Variants in RYR3 observed in about 807,000 individuals in gnomAD.
RYR3 encodes ryanodine receptor 3, also known as brain ryanodine receptor-calcium release channel.
RYR3 carries 207 observed loss-of-function variants against 584.3 expected under a neutral mutation model. The observed-to-expected ratio is 0.35, with a 90% confidence interval of 0.32 to 0.40. RYR3 has a LOEUF of 0.40. Among genes scored for constraint, RYR3 ranks in the 10% least tolerant of loss-of-function variants. RYR3 has a pLI of 1.00. For missense variants in RYR3, 5,616 were observed against 6,089.2 expected (o/e 0.92, Z 2.59); for synonymous variants, 2,416 against 2,248.5 (o/e 1.07, Z -2.11).
At position 33,748,108 on chromosome 15, in the gene RYR3, T is replaced by C; in HGVS notation, c.7990-6T>C. On this transcript the variant is annotated splice_polypyrimidine_tract_variant and splice_region_variant and intron_variant, in intron 53 of 103. Transcript: ENST00000634891. Reference sequence around the variant, plus strand: ...GCAAAGTGCTTCTGCTCAAATTCTCTTCTAGGAGAAGGAAATTTATCGCTG... The same window carrying C: ...GCAAAGTGCTTCTGCTCAAATTCTCCTCTAGGAGAAGGAAATTTATCGCTG... The C allele has an allele frequency of 6.2e-7, 1 of 1,613,422 alleles. No homozygotes were observed. The highest frequency in any genetic ancestry group is 2.2e-5 in the East Asian group (1 of 44,874).
At chr15:33,715,972 G>A (rs956608621) in intron 43 of RYR3, among the ~76,000 whole-genome samples, 1 of 152,140 alleles carries the variant, frequency 6.6e-6, no homozygotes, top group Non-Finnish European at 1.5e-5. Context: ...GTGGAGCCTG[G>A]TGGGACGTGT....
In RYR3 at chr15:33,623,909, A is replaced by C; in HGVS notation, c.2460A>C (p.Arg820Ser). Residue 820 changes from arginine (R) to serine (S), a missense_variant, in exon 20 of 104, where the codon AGA becomes AGC. Arg to Ser is a moderately radical substitution (Grantham distance 110). Coordinates refer to ENST00000634891, the MANE Select transcript of RYR3 (RefSeq NM_001036.6). ...YEALLPKEKM[R>S]LEPVKEYKRD... ...CCTTACTTCCAAAAGAGAAGATGAG[A>C]TTGGAGCCTGTCAAAGAATATAAAC... The C allele has an allele frequency of 6.2e-7, 1 of 1,613,878 alleles. No individual in the cohort carries two copies. Among genetic ancestry groups the C allele is most frequent in the Non-Finnish European group, 8.5e-7 (1 of 1,179,788 alleles).
chr15:33,687,184 A>C (rs1232921346), intron 38 of RYR3, among the ~76,000 whole-genome samples: 1 of 152,222 alleles, frequency 6.6e-6, no homozygotes, highest in Non-Finnish European at 1.5e-5. Context: ...TCTCAGCCCA[A>C]AATCTCCTTA....
At chr15:33,337,819 AC>A (rs1971307502) in intron 1 of RYR3, among the ~76,000 whole-genome samples, 1 of 152,050 alleles carries the variant, frequency 6.6e-6, no homozygotes, top group African/African-American at 2.4e-5. Context: ...TGTTCATAGT[AC>A]TGAACAACTG....
intron 43 of RYR3, among the ~76,000 whole-genome samples, chr15:33,713,894 G>A (rs1184139328): frequency 6.6e-6 from 1 of 152,048 alleles, no homozygotes; most frequent in Non-Finnish European, 1.5e-5. Flanking sequence ...CTGCCCTTAT[G>A]ACTTAATTAC....
intron 13 of RYR3, among the ~76,000 whole-genome samples, chr15:33,580,361 T>G (rs928322091): frequency 6.6e-6 from 1 of 152,234 alleles, no homozygotes; most frequent in African/African-American, 2.4e-5. Context: ...GATTACATTT[T>G]AAAGCTTCAG....
chr15:33,336,554 G>GAAAGA (rs143883392), intron 1 of RYR3, among the ~76,000 whole-genome samples: 1 of 66,848 alleles, frequency 1.5e-5, no homozygotes, highest in African/African-American at 5.1e-5. Flanking sequence ...AGGAGGGAAG[G>GAAAGA]AAGGAAGAAA....
chr15:33,337,440 A>G (rs1380436942), intron 1 of RYR3, among the ~76,000 whole-genome samples: 1 of 152,224 alleles, frequency 6.6e-6, no homozygotes, highest in Non-Finnish European at 1.5e-5. Context: ...CAAGCTTGCA[A>G]AAACCTTCTA....
intron 3 of RYR3, among the ~76,000 whole-genome samples, chr15:33,525,172 C>T (rs542598904): frequency 1.9e-4 from 29 of 152,246 alleles, no homozygotes; most frequent in African/African-American, 6.7e-4. Flanking sequence ...ATTTGCCATC[C>T]GCATCTCACA....
intron 28 of RYR3, among the ~76,000 whole-genome samples, chr15:33,645,041 T>C (rs945444614): frequency 2.6e-5 from 4 of 151,998 alleles, no homozygotes; most frequent in African/African-American, 9.7e-5. Context: ...TAAAAAAAAA[T>C]TTAAAAGTTC....
chr15:33,861,005 T>C lies in RYR3; in HGVS notation c.14365-73T>C, dbSNP rs950817973. On this transcript the variant is annotated intron_variant, in intron 101 of 103. Transcript: ENST00000634891. Reference sequence around the variant, plus strand: ...AAGTTTTCATTATCCTTCAATTCGATAGAATCATGACAGTTTTCTCTCCTG... The same window carrying C: ...AAGTTTTCATTATCCTTCAATTCGACAGAATCATGACAGTTTTCTCTCCTG... The C allele has an allele frequency of 1.1e-4, 127 of 1,160,856 alleles. No individual in the cohort carries two copies. The African/African-American group carries it at 1.5e-3, about 14-fold the overall frequency. 71.9% of individuals were successfully genotyped at this position (1,160,856 alleles called of 1,614,324 possible). A position where few individuals can be genotyped will look rare whatever the true frequency, so the allele number is the denominator to read the frequency against.
chr15:33,618,323 T>C (rs1450770483), intron 19 of RYR3, among the ~76,000 whole-genome samples: 2 of 152,244 alleles, frequency 1.3e-5, no homozygotes, highest in Non-Finnish European at 2.9e-5. Flanking sequence ...GGTTGCTGTT[T>C]GTTTTCTGTT....
intron 3 of RYR3, among the ~76,000 whole-genome samples, chr15:33,524,075 T>C (rs986570924): frequency 1.3e-5 from 2 of 152,116 alleles, no homozygotes; most frequent in African/African-American, 4.8e-5. Context: ...TTTAAAATGC[T>C]CGATTTCATT....
chr15:33,573,890 G>A (rs1419565722), intron 12 of RYR3, among the ~76,000 whole-genome samples: 10 of 152,188 alleles, frequency 6.6e-5, no homozygotes, highest in Non-Finnish European at 8.8e-5. Flanking sequence ...CCCATGCCAA[G>A]CATGTGATAT....
At chr15:33,802,317 G>A (rs1272014610) in intron 69 of RYR3, among the ~76,000 whole-genome samples, 1 of 152,170 alleles carries the variant, frequency 6.6e-6, no homozygotes, top group Non-Finnish European at 1.5e-5. Context: ...ACCACCTTTT[G>A]ATAGCTAGGA....
rs2056571185 is a variant in RYR3, at chr15:33,550,154, G to T, written c.816-6G>T. ...ATGCAATTTCTTGTCTGTTTCATCT[G>T]CCCAGCTGGAGTGGCAGTAACATCA... On this transcript the variant is annotated splice_region_variant and splice_polypyrimidine_tract_variant and intron_variant, in intron 9 of 103. Transcript: ENST00000634891. The T allele has an allele frequency of 6.2e-7, 1 of 1,610,014 alleles. No individual in the cohort carries two copies. The highest frequency in any genetic ancestry group is 1.3e-5 in the African/African-American group (1 of 74,698).
In RYR3 at chr15:33,865,157, A is replaced by G. The variant is rs756029364; in HGVS notation, c.14544A>G (p.Gln4848=). The stretch of plus-strand genomic sequence containing the variant: ...AATCTTATGTCTGGAAGATGTACCA[A>G]GAAAGGTGTTGGGATTTCTTCCCAG... The part of the protein sequence containing the change: ...GQESYVWKMY[Q]ERCWDFFPAG... The change falls in exon 104 of 104, where the codon CAA becomes CAG. Residue 4848 remains glutamine, a synonymous_variant. Transcript: ENST00000634891. 14 of 1,613,798 alleles carry G rather than the reference A, an allele frequency of 8.7e-6. No homozygotes were observed. Among genetic ancestry groups the G allele is most frequent in the South Asian group, 6.6e-5 (6 of 91,066 alleles).
chr15:33,777,205 C>A (rs2074052295), intron 64 of RYR3, among the ~76,000 whole-genome samples: 1 of 152,202 alleles, frequency 6.6e-6, no homozygotes, highest in Non-Finnish European at 1.5e-5. Flanking sequence ...AGAGAGTTTC[C>A]ATATCCAATG....
chr15:33,388,695 G>C (rs2141260466), intron 1 of RYR3, among the ~76,000 whole-genome samples: 2 of 152,270 alleles, frequency 1.3e-5, no homozygotes, highest in Non-Finnish European at 2.9e-5. Flanking sequence ...TATAGACACT[G>C]TTCATTGATT....
Sources: allele counts gnomAD v4.1 joint callset (sites outside exome capture counted in the v4.1 genomes callset), GRCh38; gene constraint gnomAD v4.1.1; transcripts MANE v1.5; gene names NCBI Gene and HGNC (gene_info 2026-07-23, HGNC 2026-07-21).